CLOCK: variants seen among roughly 807,000 people sequenced by gnomAD.
CLOCK encodes circadian locomoter output cycles protein kaput.
In CLOCK, 43 loss-of-function variants were observed where a neutral mutation model predicts 118.4. The ratio of observed to expected loss-of-function variants is 0.36; its 90% CI spans 0.28 to 0.47. The LOEUF (loss-of-function observed/expected upper bound fraction) is 0.47. CLOCK is among the 20% of genes least tolerant of loss of function. The pLI is 1.00. For missense variants in CLOCK, 846 were observed against 999.9 expected (o/e 0.85, Z 2.08); for synonymous variants, 326 against 339.2 (o/e 0.96, Z 0.43).
At chr4:55,491,935 G>A (rs1185978155) in intron 2 of CLOCK, among the ~76,000 whole-genome samples, 3 of 152,100 alleles carry the variant, frequency 2.0e-5, no homozygotes, top group African/African-American at 4.8e-5. Context: ...AGAAAAGCCA[G>A]GACCATATAC....
chr4:55,484,801 G>A (rs1023065711), intron 3 of CLOCK, among the ~76,000 whole-genome samples: 1 of 152,150 alleles, frequency 6.6e-6, no homozygotes, highest in Non-Finnish European at 1.5e-5. Context: ...CAAGAATTAA[G>A]GGTTATACTA....
At chr4:55,531,516 C>T (rs949792034) in intron 1 of CLOCK, among the ~76,000 whole-genome samples, 4 of 151,698 alleles carry the variant, frequency 2.6e-5, no homozygotes, top group African/African-American at 9.7e-5. Context: ...ACCATCCTGG[C>T]CAACATGGTG....
chr4:55,541,561 A>G (rs1424722854), intron 1 of CLOCK, among the ~76,000 whole-genome samples: 1 of 152,238 alleles, frequency 6.6e-6, no homozygotes, highest in East Asian at 1.9e-4. Context: ...ACACAGCACT[A>G]GAAGTAAAAA....
intron 3 of CLOCK, among the ~76,000 whole-genome samples, chr4:55,484,118 C>T (rs542203650): frequency 6.2e-4 from 95 of 152,298 alleles, no homozygotes; most frequent in Middle Eastern, 6.8e-3. Flanking sequence ...AGGAGAATAA[C>T]CCTGGCAACA....
Position 55,463,712 on chromosome 4 carries a change from C to T in CLOCK, c.532G>A (p.Asp178Asn), listed in dbSNP as rs1205234143. The part of the protein sequence containing the change: ...KILSTHLLES[D>N]SLTPEYLKSK... ...TTTAAATATTCTGGGGTTAATGAAT[C>T]ACTTTCCAGCAGATGAGTAGAGAGT... The change falls in exon 9 of 23, where the codon GAT becomes AAT. Residue 178 changes from aspartate to asparagine, a missense_variant. Transcript: ENST00000513440. The T allele has an allele frequency of 2.5e-6, 4 of 1,613,138 alleles. No individual in the cohort carries two copies. Among genetic ancestry groups the T allele is most frequent in the Non-Finnish European group, 3.4e-6 (4 of 1,179,384 alleles).
chr4:55,441,334 G>T (rs1191974353), intron 21 of CLOCK, among the ~76,000 whole-genome samples: 2 of 152,224 alleles, frequency 1.3e-5, no homozygotes, highest in East Asian at 3.9e-4. Context: ...ATTTCTCAAA[G>T]AACTAAAAGT....
chr4:55,480,544 G>A (rs1187333052), intron 4 of CLOCK, among the ~76,000 whole-genome samples: 2 of 152,114 alleles, frequency 1.3e-5, no homozygotes, highest in East Asian at 3.9e-4. Flanking sequence ...GGGATTACAG[G>A]TGTGAGCTGC....
At chr4:55,488,778 C>T (rs1242525260) in intron 3 of CLOCK, among the ~76,000 whole-genome samples, 1 of 152,176 alleles carries the variant, frequency 6.6e-6, no homozygotes, top group African/African-American at 2.4e-5. Context: ...CTCTGTCTCC[C>T]AGGCTGGAAT....
At chr4:55,509,798 A>C (rs1383512239) in intron 2 of CLOCK, 114 bp downstream of exon 2, 1 of 152,236 alleles carries the variant, frequency 6.6e-6, no homozygotes, top group Non-Finnish European at 1.5e-5. Context: ...GCTGCCAAGG[A>C]AAGTAGCAGA....
intron 7 of CLOCK, among the ~76,000 whole-genome samples, chr4:55,475,706 G>A (rs1325835438): frequency 6.6e-6 from 1 of 152,144 alleles, no homozygotes; most frequent in East Asian, 1.9e-4. Context: ...AGGCTCAGAT[G>A]ATTGTTAGCA....
At position 55,435,124 on chromosome 4, in the gene CLOCK, G is replaced by C. The variant is rs1013058754; in HGVS notation, c.*291C>G. The C allele has an allele frequency of 7.4e-6, 3 of 404,984 alleles. No homozygotes were observed. The highest frequency in any genetic ancestry group is 4.1e-5 in the African/African-American group (2 of 48,812). The allele number at this position is 404,984 out of a possible 1,614,324, so 25.1% of individuals were successfully genotyped here. Reference sequence around the variant, plus strand: ...ATTCCCTGGAGGTCATTTCATAGCTGAGCTTCTTAATATTTGGCAATATAT... The same window carrying C: ...ATTCCCTGGAGGTCATTTCATAGCTCAGCTTCTTAATATTTGGCAATATAT... On this transcript the variant is annotated 3_prime_UTR_variant, in exon 23 of 23. Coordinates refer to ENST00000513440, the MANE Select transcript of CLOCK (RefSeq NM_004898.4).
At chr4:55,449,517 A>C in intron 16 of CLOCK, 21 bp from the exon 17 acceptor site, 1 of 1,550,626 alleles carries the variant, frequency 6.4e-7, no homozygotes, top group Non-Finnish European at 8.9e-7. Context: ...CAAAATCAGA[A>C]GAGCATTAGT....
At chr4:55,450,662 C>T (rs4864993) in intron 15 of CLOCK, among the ~76,000 whole-genome samples, 7,196 of 151,820 alleles carry the variant, frequency 0.047, 558 homozygotes, top group African/African-American at 0.16. Flanking sequence ...CCAGCTACTC[C>T]GGCGGCTGAG....
chr4:55,509,902 G>A lies in CLOCK; in HGVS notation c.-136+10C>T, dbSNP rs1729032545. The A allele has an allele frequency of 6.6e-6, 1 of 152,160 alleles. No individual in the cohort carries two copies. The highest frequency in any genetic ancestry group is 6.5e-5 in the Admixed American group (1 of 15,284). 9.4% of individuals were successfully genotyped at this position (152,160 alleles called of 1,614,324 possible). On this transcript the variant is annotated intron_variant, in intron 2 of 22. Transcript: ENST00000513440. ...CCATGATTAAGGGAAAAGAAACAAA[G>A]ATAGCATACCTTTGAGCTCAAAATG...
chr4:55,526,730 C>T (rs973339117), intron 1 of CLOCK, among the ~76,000 whole-genome samples: 1 of 151,850 alleles, frequency 6.6e-6, no homozygotes, highest in African/African-American at 2.4e-5. Flanking sequence ...GGTCAGTTCA[C>T]GAGGTCAGGA....
Position 55,433,077 on chromosome 4 carries a change from T to C in CLOCK, c.*2338A>G, listed in dbSNP as rs1187230307. Reference sequence around the variant, plus strand: ...CGTATCACTAGGTATTGCCAATAAATAAATGAGGCACAACTCAGATATATA... The same window carrying C: ...CGTATCACTAGGTATTGCCAATAAACAAATGAGGCACAACTCAGATATATA... On this transcript the variant is annotated 3_prime_UTR_variant, in exon 23 of 23. Coordinates refer to ENST00000513440, the MANE Select transcript of CLOCK (RefSeq NM_004898.4). 2 of 152,510 alleles carry C rather than the reference T, an allele frequency of 1.3e-5. No individual in the cohort carries two copies. Among genetic ancestry groups the C allele is most frequent in the African/African-American group, 2.4e-5 (1 of 41,420 alleles). 9.4% of individuals were successfully genotyped at this position (152,510 alleles called of 1,614,324 possible). A position where few individuals can be genotyped will look rare whatever the true frequency, so the allele number is the denominator to read the frequency against.
At chr4:55,454,959 G>C (rs192139194) in intron 13 of CLOCK, among the ~76,000 whole-genome samples, 1 of 148,436 alleles carries the variant, frequency 6.7e-6, no homozygotes, top group East Asian at 2.0e-4. Context: ...AGAGGTATCA[G>C]CTCTTTAGAC....
intron 1 of CLOCK, among the ~76,000 whole-genome samples, chr4:55,516,918 A>G (rs1729550768): frequency 6.6e-6 from 1 of 152,180 alleles, no homozygotes; most frequent in Non-Finnish European, 1.5e-5. Context: ...TCTACTTTCA[A>G]ATAACACTAA....
chr4:55,476,009 T>G lies in CLOCK; in HGVS notation c.302A>C (p.Lys101Thr). The change falls in exon 7 of 23, where the codon AAA becomes ACA. Residue 101 changes from lysine (K) to threonine (T), a missense_variant. By Grantham distance (78) the Lys-to-Thr change is moderately conservative (BLOSUM62 -1). Transcript: ENST00000513440. ...SDASEIRQDW[K>T]PTFLSNEEFT... is the part of the protein sequence containing the mutation. Reference sequence around the variant, plus strand: ...CTCTTCATTACTAAGGAATGTAGGTTTCCAGTCCTGTCGAATTTCACTAGC... The same window carrying G: ...CTCTTCATTACTAAGGAATGTAGGTGTCCAGTCCTGTCGAATTTCACTAGC... The G allele has an allele frequency of 6.2e-7, 1 of 1,613,144 alleles. No homozygotes were observed. Among genetic ancestry groups the G allele is most frequent in the Non-Finnish European group, 8.5e-7 (1 of 1,179,264 alleles).
Sources: gnomAD v4.1 joint callset for allele counts (sites outside exome capture counted in the v4.1 genomes callset) on GRCh38, gnomAD v4.1.1 for gene constraint, MANE v1.5 for transcripts, NCBI Gene and HGNC (gene_info 2026-07-23, HGNC 2026-07-21) for gene names.